Variants in USP4 observed in about 807,000 individuals in gnomAD.
The protein encoded by USP4 is ubiquitin specific peptidase 4.
USP4 carries 72 observed loss-of-function variants against 118.2 expected under a neutral mutation model. That is an observed-to-expected ratio of 0.61 (90% confidence interval 0.50 to 0.74). The LOEUF (loss-of-function observed/expected upper bound fraction) is 0.74. Among genes scored for constraint, USP4 ranks in the 30% least tolerant of loss-of-function variants. The pLI, the probability that USP4 is intolerant of heterozygous loss-of-function variation, is 0.00. For synonymous variants in USP4, 415 were observed against 440.4 expected (o/e 0.94, Z 0.72); for missense variants, 1,037 against 1,185.7 (o/e 0.87, Z 1.84).
chr3:49,293,976 ATTT>A (rs531837818), intron 14 of USP4, among the ~76,000 whole-genome samples: 2 of 135,542 alleles, frequency 1.5e-5, no homozygotes, highest in African/African-American at 2.7e-5. Context: ...GCACAAGTGC[ATTT>A]TTTTTTTTTT....
At chr3:49,306,343 C>T (rs2047317199) in intron 8 of USP4, among the ~76,000 whole-genome samples, 1 of 151,716 alleles carries the variant, frequency 6.6e-6, no homozygotes, top group Admixed American at 6.6e-5. Context: ...GCTGACATCA[C>T]AGGCACCGGC....
intron 6 of USP4, chr3:49,316,908 C>G (rs1387862334): frequency 1.6e-6 from 1 of 609,778 alleles, no homozygotes; most frequent in East Asian, 2.7e-5. Context: ...AAGCCAGGAC[C>G]CACAGGCTGT....
chr3:49,327,076 A>C (rs1456127052), intron 3 of USP4, among the ~76,000 whole-genome samples: 1 of 152,184 alleles, frequency 6.6e-6, no homozygotes, highest in Non-Finnish European at 1.5e-5. Flanking sequence ...GACATTAGCT[A>C]TATGTCCATA....
intron 19 of USP4, among the ~76,000 whole-genome samples, chr3:49,282,270 A>C (rs2047038773): frequency 6.6e-6 from 1 of 152,096 alleles, no homozygotes; most frequent in African/African-American, 2.4e-5. Flanking sequence ...CACACAGAAA[A>C]GATAAAGAAT....
At chr3:49,288,574 C>A (rs1487257289) in intron 15 of USP4, among the ~76,000 whole-genome samples, 1 of 152,102 alleles carries the variant, frequency 6.6e-6, no homozygotes, top group African/African-American at 2.4e-5. Context: ...ACTCGGGAGG[C>A]TGAGGCAGGA....
intron 8 of USP4, among the ~76,000 whole-genome samples, chr3:49,309,943 C>CTTTTTTTTTATTTTTTTTTTTTTTT (rs2047366112): frequency 2.5e-5 from 1 of 40,236 alleles, no homozygotes. Flanking sequence ...TTTTTTTAAT[C>CTTTTTTTTTATTTTTTTTTTTTTTT]TTTTTTTTTT....
At chr3:49,327,593 G>A in intron 3 of USP4, 93 bp downstream of exon 3, 1 of 1,396,912 alleles carries the variant, frequency 7.2e-7, no homozygotes, top group South Asian at 1.3e-5. Flanking sequence ...CAACCACTGA[G>A]GTATGTTCAT....
At chr3:49,331,017 C>CAAA (rs1239637192) in intron 2 of USP4, among the ~76,000 whole-genome samples, 1 of 115,968 alleles carries the variant, frequency 8.6e-6, no homozygotes, top group Non-Finnish European at 1.8e-5. Flanking sequence ...GACTCCGTCT[C>CAAA]AAAAAAAAAA....
intron 4 of USP4, among the ~76,000 whole-genome samples, chr3:49,325,263 T>C (rs2047540531): frequency 6.6e-6 from 1 of 152,120 alleles, no homozygotes; most frequent in African/African-American, 2.4e-5. Flanking sequence ...CTCTCATTTA[T>C]GGCGCAAAAG....
At chr3:49,325,905 T>C (rs2047549565) in intron 3 of USP4, 60 bp from the exon 4 acceptor site, 2 of 1,586,586 alleles carry the variant, frequency 1.3e-6, no homozygotes, top group East Asian at 2.3e-5. Flanking sequence ...GTCTTGGATG[T>C]AGCATATCTT....
chr3:49,317,031 G>C (rs1287034908), intron 6 of USP4: 11 of 888,482 alleles, frequency 1.2e-5, no homozygotes, highest in Non-Finnish European at 1.8e-5. Flanking sequence ...GGACAGACTT[G>C]CTGGGGCTGA....
At chr3:49,283,360 C>G (rs2047060376) in intron 19 of USP4, among the ~76,000 whole-genome samples, 1 of 151,882 alleles carries the variant, frequency 6.6e-6, no homozygotes, top group Non-Finnish European at 1.5e-5. Context: ...GGAAGTCTCT[C>G]TATGTTGTCC....
intron 21 of USP4, 148 bp downstream of exon 21, chr3:49,278,666 G>T: frequency 1.2e-6 from 1 of 839,238 alleles, no homozygotes; most frequent in Non-Finnish European, 1.9e-6. Flanking sequence ...ATTTATGAAG[G>T]TCCCTGAAGG....
chr3:49,317,924 C>G (rs1255203609), intron 6 of USP4, among the ~76,000 whole-genome samples: 24 of 151,938 alleles, frequency 1.6e-4, no homozygotes, highest in Admixed American at 1.1e-3. Context: ...CAACCTCTGC[C>G]TCCTGGGTTT....
intron 1 of USP4, among the ~76,000 whole-genome samples, chr3:49,339,707 C>T (rs2047716421): frequency 6.6e-6 from 1 of 152,170 alleles, no homozygotes; most frequent in African/African-American, 2.4e-5. Context: ...CGGGCCCGCC[C>T]CCTAGGGCTC....
chr3:49,317,800 C>G (rs1033574081), intron 6 of USP4, among the ~76,000 whole-genome samples: 6 of 151,776 alleles, frequency 4.0e-5, no homozygotes, highest in Admixed American at 3.3e-4. Flanking sequence ...GATCCGCCCG[C>G]CTCGGCCTCC....
chr3:49,317,550 T>G (rs1331360305), intron 6 of USP4: 3 of 611,026 alleles, frequency 4.9e-6, no homozygotes, highest in South Asian at 4.0e-5. Flanking sequence ...TTGTTTTTTT[T>G]TTTTTTTTGA....
intron 2 of USP4, among the ~76,000 whole-genome samples, chr3:49,328,721 A>G (rs1310486946): frequency 1.3e-5 from 2 of 150,580 alleles, no homozygotes; most frequent in Non-Finnish European, 3.0e-5. Flanking sequence ...TTAGCTGGGC[A>G]TGGTGATGCA....
intron 6 of USP4, chr3:49,313,855 A>G (rs1483094791): frequency 6.6e-6 from 1 of 152,126 alleles, no homozygotes; most frequent in Non-Finnish European, 1.5e-5. Context: ...CTTATTTTAA[A>G]GTTTTTAATT....
Sources: gnomAD v4.1 joint callset for allele counts (sites outside exome capture counted in the v4.1 genomes callset) on GRCh38, gnomAD v4.1.1 for gene constraint, MANE v1.5 for transcripts, NCBI Gene and HGNC (gene_info 2026-07-23, HGNC 2026-07-21) for gene names.